MYO3B: variants seen among roughly 807,000 people sequenced by gnomAD.
MYO3B encodes the protein myosin IIIB, also known as myosin-IIIb.
A neutral mutation model predicts 174.6 loss-of-function variants in MYO3B; 156 were observed. That is an observed-to-expected ratio of 0.89 (90% CI 0.78 to 1.02). The LOEUF is 1.02. Among genes scored for constraint, MYO3B ranks in the 50% least tolerant of loss-of-function variants. MYO3B has a pLI of 0.00. For missense variants in MYO3B, 1,632 were observed against 1,639.4 expected, an observed-to-expected ratio of 1.00 and a Z score of 0.08; for synonymous variants, 563 against 569.1, an observed-to-expected ratio of 0.99 and a Z score of 0.15.
rs75733105 is a variant in MYO3B at position 170,324,993 on chromosome 2, C to T, written c.750-10392C>T. The stretch of plus-strand genomic sequence containing the variant: ...TGTCTCACCTCAGAGAACTTCACCA[C>T]GGAGGCCCATAGTGATAGCCTTTCC... On this transcript the variant is annotated intron_variant, in intron 7 of 34. Transcript: ENST00000408978. 4.2e-3 allele frequency among the ~76,000 whole-genome samples: 638 copies of T among 152,176 alleles called. 2 individuals are homozygous for T. The highest frequency in any genetic ancestry group is 0.014 in the African/African-American group (584 of 41,512).
chr2:170,543,544 G>A (rs1044418976), intron 31 of MYO3B, among the ~76,000 whole-genome samples: 2 of 152,060 alleles, frequency 1.3e-5, no homozygotes, highest in Non-Finnish European at 2.9e-5. Flanking sequence ...CCTTCCTATA[G>A]GTTTTCTTTT....
At chr2:170,320,283 GC>G (rs1471762339) in intron 7 of MYO3B, among the ~76,000 whole-genome samples, 8 of 152,156 alleles carry the variant, frequency 5.3e-5, no homozygotes, top group African/African-American at 1.9e-4. Flanking sequence ...TTGGGCTCAA[GC>G]GATCTTCCCA....
intron 28 of MYO3B, among the ~76,000 whole-genome samples, chr2:170,506,428 C>T (rs369503827): frequency 3.3e-5 from 5 of 152,290 alleles, no homozygotes; most frequent in Admixed American, 6.5e-5. Flanking sequence ...CTAAATTTCC[C>T]GCTATTTGCC....
Position 170,287,714 on chromosome 2 carries a change from T to G in MYO3B, c.750-47671T>G, listed in dbSNP as rs957639103. ...TCAATTTCCTTTGATTTGCAGAAGATTTTTAGCTTGATATAATCCCATTTG... is the reference window on the plus strand; with the variant it reads ...TCAATTTCCTTTGATTTGCAGAAGAGTTTTAGCTTGATATAATCCCATTTG... On this transcript the variant is annotated intron_variant, in intron 7 of 34. Transcript: ENST00000408978. 2.6e-5 allele frequency among the ~76,000 whole-genome samples: 4 copies of G among 152,238 alleles called. No homozygotes were observed. In the East Asian group the frequency reaches 7.7e-4, roughly 29 times the overall value.
intron 32 of MYO3B, among the ~76,000 whole-genome samples, chr2:170,576,055 T>C (rs979007370): frequency 6.6e-6 from 1 of 152,212 alleles, no homozygotes; most frequent in Non-Finnish European, 1.5e-5. Flanking sequence ...GTCCCCAGAC[T>C]CCCTATGCAG....
chr2:170,647,997 A>G (rs1698509360), intron 32 of MYO3B: 1 of 152,122 alleles, frequency 6.6e-6, no homozygotes, highest in African/African-American at 2.4e-5. Flanking sequence ...TCTGAGGGAG[A>G]GTGGATGTCA....
At position 170,509,095 on chromosome 2, in the gene MYO3B, G is replaced by T. The variant is rs547242992; in HGVS notation, c.3371-5826G>T. Among the ~76,000 whole-genome samples, 23 of 152,326 alleles carry T rather than the reference G, an allele frequency of 1.5e-4. 1 individual carries two copies. Among genetic ancestry groups the T allele is most frequent in the Middle Eastern group, 3.4e-3 (1 of 294 alleles). ...CTTCAGGCCGGGCACAGTGGCTCAA[G>T]CATATAATCCCCGCACTTTGGGAGG... On this transcript the variant is annotated intron_variant, in intron 28 of 34. Transcript: ENST00000408978.
intron 7 of MYO3B, among the ~76,000 whole-genome samples, chr2:170,254,484 G>A (rs73975595): frequency 0.013 from 1,920 of 152,232 alleles, 38 homozygotes; most frequent in African/African-American, 0.043. Flanking sequence ...CCCCTCCCAA[G>A]GCCTCCTGCC....
At position 170,217,395 on chromosome 2, in the gene MYO3B, G is replaced by C. The variant is rs2092842367; in HGVS notation, c.603G>C (p.Glu201Asp). The C allele has an allele frequency of 6.2e-7, 1 of 1,613,150 alleles. No homozygotes were observed. Among genetic ancestry groups the C allele is most frequent in the African/African-American group, 1.3e-5 (1 of 74,900 alleles). ...SVGTPFWMAP[E>D]VIACEQQYDS... ...GCACCCCGTTCTGGATGGCCCCTGA[G>C]GTAAGCTGGAAATACCTAGTTCTTT... Residue 201 changes from glutamate to aspartate, a missense_variant and splice_region_variant, in exon 6 of 35, where the codon GAG becomes GAC. Coordinates refer to ENST00000408978, the MANE Select transcript of MYO3B (RefSeq NM_138995.5).
chr2:170,355,106 T>C (rs2094110095), intron 8 of MYO3B, among the ~76,000 whole-genome samples: 2 of 152,160 alleles, frequency 1.3e-5, no homozygotes, highest in Admixed American at 6.5e-5. Context: ...TTCATTGTCC[T>C]TTGAAGCTTT....
chr2:170,469,665 C>T (rs538652347), intron 25 of MYO3B, among the ~76,000 whole-genome samples: 3 of 152,256 alleles, frequency 2.0e-5, no homozygotes, highest in South Asian at 4.1e-4. Context: ...TCACCAGGTC[C>T]AGCTCACTAC....
At chr2:170,417,987 G>A (rs1043464807) in intron 22 of MYO3B, among the ~76,000 whole-genome samples, 1 of 152,198 alleles carries the variant, frequency 6.6e-6, no homozygotes, top group Non-Finnish European at 1.5e-5. Flanking sequence ...TTAAGGTACT[G>A]AGGCATCACC....
rs149175667 is a variant in MYO3B, at chr2:170,290,522, C to A, written c.750-44863C>A. Among the ~76,000 whole-genome samples the A allele has an allele frequency of 1.2e-3, 177 of 152,216 alleles. 1 individual carries two copies. Among genetic ancestry groups the A allele is most frequent in the Non-Finnish European group, 1.8e-4 (12 of 67,984 alleles). ...TTTCTGCTTTCTTTTTAGCTTCCAGCTGCATAGGATACATTTTTCTACCCC... is the reference window on the plus strand; with the variant it reads ...TTTCTGCTTTCTTTTTAGCTTCCAGATGCATAGGATACATTTTTCTACCCC... On this transcript the variant is annotated intron_variant, in intron 7 of 34. Coordinates refer to ENST00000408978, the MANE Select transcript of MYO3B (RefSeq NM_138995.5).
intron 30 of MYO3B, among the ~76,000 whole-genome samples, chr2:170,536,431 G>A (rs369905734): frequency 2.6e-5 from 4 of 152,166 alleles, no homozygotes; most frequent in Non-Finnish European, 4.4e-5. Context: ...GATTAGGGTG[G>A]GATGCAGTGC....
intron 32 of MYO3B, among the ~76,000 whole-genome samples, chr2:170,590,241 G>C (rs559414879): frequency 1.3e-5 from 2 of 152,252 alleles, no homozygotes; most frequent in African/African-American, 4.8e-5. Context: ...GAACCAAAAG[G>C]GATAGGAGAG....
intron 22 of MYO3B, among the ~76,000 whole-genome samples, chr2:170,414,288 A>G (rs965127530): frequency 6.6e-6 from 1 of 151,976 alleles, no homozygotes; most frequent in Non-Finnish European, 1.5e-5. Flanking sequence ...CCCAGGTTCA[A>G]GCAATTCTCC....
At chr2:170,441,558 AG>A (rs2094801037) in intron 22 of MYO3B, among the ~76,000 whole-genome samples, 1 of 152,240 alleles carries the variant, frequency 6.6e-6, no homozygotes, top group African/African-American at 2.4e-5. Context: ...AGCAGCCCCA[AG>A]GGCTGCTGGT....
At chr2:170,589,785 A>G (rs900848756) in intron 32 of MYO3B, among the ~76,000 whole-genome samples, 8 of 152,214 alleles carry the variant, frequency 5.3e-5, no homozygotes, top group Non-Finnish European at 4.4e-5. Flanking sequence ...CTAAGTGTAT[A>G]GTGTTTATAA....
intron 32 of MYO3B, among the ~76,000 whole-genome samples, chr2:170,548,343 C>G (rs186972925): frequency 6.6e-6 from 1 of 152,066 alleles, no homozygotes; most frequent in Non-Finnish European, 1.5e-5. Context: ...AGTGCAGGTT[C>G]GTACTGCTTA....
Sources: allele counts gnomAD v4.1 joint callset (sites outside exome capture counted in the v4.1 genomes callset), GRCh38; gene constraint gnomAD v4.1.1; transcripts MANE v1.5; gene names NCBI Gene and HGNC (gene_info 2026-07-23, HGNC 2026-07-21).